RIMS2: variants seen among roughly 807,000 people sequenced by gnomAD.
The protein encoded by RIMS2 is regulating synaptic membrane exocytosis protein 2.
RIMS2 carries 59 observed loss-of-function variants against 174.4 expected under a neutral mutation model. The ratio of observed to expected loss-of-function variants is 0.34; its 90% CI spans 0.27 to 0.42. RIMS2 has a LOEUF of 0.42. RIMS2 is among the 10% of genes least tolerant of loss of function. The pLI is 1.00. For missense variants in RIMS2, 1,620 were observed against 1,666.3 expected (o/e 0.97, Z 0.48); for synonymous variants, 606 against 572.5 (o/e 1.06, Z -0.84).
At position 104,058,030 on chromosome 8, in the gene RIMS2, T is replaced by C. The variant is rs550329228; in HGVS notation, c.3334+43415T>C. 9.6e-3 allele frequency among the ~76,000 whole-genome samples: 1,458 copies of C among 151,944 alleles called. 23 individuals are homozygous for C. The highest frequency in any genetic ancestry group is 0.033 in the African/African-American group (1,354 of 41,392). On this transcript the variant is annotated intron_variant, in intron 19 of 23. Transcript: ENST00000504942. ...TGTGAATGGTGCCGCAATAAACATA[T>C]GTGTGCATGTGTCTTTATAGCAGCA...
chr8:103,776,166 T>C (rs2098313621), intron 3 of RIMS2, among the ~76,000 whole-genome samples: 1 of 152,192 alleles, frequency 6.6e-6, no homozygotes, highest in Admixed American at 6.5e-5. Context: ...GATGCATGTA[T>C]GGTGAAGGGT....
chr8:103,656,971 G>C (rs1223433033), intron 1 of RIMS2, among the ~76,000 whole-genome samples: 1 of 152,104 alleles, frequency 6.6e-6, no homozygotes, highest in Non-Finnish European at 1.5e-5. Flanking sequence ...CTCCAGCTGG[G>C]GGAGGGGAAA....
rs80224514 is a variant in RIMS2, at chr8:104,215,769, G to A, written c.3335-29147G>A. ...CTTGGAACAGTGGAACAGAATGCGTGAGCAGGGAATTTCTTAAACTTGGAA... is the reference window on the plus strand; with the variant it reads ...CTTGGAACAGTGGAACAGAATGCGTAAGCAGGGAATTTCTTAAACTTGGAA... On this transcript the variant is annotated intron_variant, in intron 19 of 23. Transcript: ENST00000504942. Among the ~76,000 whole-genome samples the A allele has an allele frequency of 2.7e-3, 409 of 152,324 alleles. 3 individuals carry two copies. Among genetic ancestry groups the A allele is most frequent in the African/African-American group, 9.5e-3 (396 of 41,566 alleles).
At chr8:103,520,585 A>G (rs762697487) in intron 1 of RIMS2, among the ~76,000 whole-genome samples, 3 of 152,154 alleles carry the variant, frequency 2.0e-5, no homozygotes, top group Non-Finnish European at 4.4e-5. Context: ...TAATCTGACA[A>G]TTATAATTTT....
intron 19 of RIMS2, among the ~76,000 whole-genome samples, chr8:104,130,468 A>G (rs753394763): frequency 1.3e-5 from 2 of 152,120 alleles, no homozygotes; most frequent in Non-Finnish European, 2.9e-5. Context: ...AAGTCCAGGT[A>G]CCTCTTTCTT....
rs182346181 is a variant in RIMS2, at chr8:103,783,088, G to A, written c.698+16551G>A. 2.7e-4 allele frequency among the ~76,000 whole-genome samples: 41 copies of A among 152,164 alleles called. 1 individual carries two copies. Among genetic ancestry groups the A allele is most frequent in the Admixed American group, 9.8e-4 (15 of 15,278 alleles). ...GCCTGAGGCTGAGATCTCATCTCAC[G>A]CTCAGGGTCCTCTTCAAAGCTCCCT... On this transcript the variant is annotated intron_variant, in intron 3 of 23. Transcript: ENST00000504942.
At chr8:104,253,272 TG>T (rs1427062888), downstream of RIMS2, 1 of 152,164 alleles carries the variant, frequency 6.6e-6, no homozygotes, top group African/African-American at 2.4e-5. Context: ...TCTTAGGTTT[TG>T]TTTGTTTTTT....
chr8:103,776,676 G>A (rs1235359975), intron 3 of RIMS2, among the ~76,000 whole-genome samples: 1 of 151,986 alleles, frequency 6.6e-6, no homozygotes, highest in Admixed American at 6.6e-5. Flanking sequence ...GACATTTGCT[G>A]TCCACTAGGG....
intron 3 of RIMS2, among the ~76,000 whole-genome samples, chr8:103,828,491 T>C (rs948988026): frequency 3.3e-5 from 5 of 152,216 alleles, no homozygotes; most frequent in African/African-American, 9.6e-5. Context: ...TAGACCTTTG[T>C]CAAATACATA....
chr8:103,542,312 G>A (rs1245886039), intron 1 of RIMS2, among the ~76,000 whole-genome samples: 1 of 152,096 alleles, frequency 6.6e-6, no homozygotes, highest in Non-Finnish European at 1.5e-5. Flanking sequence ...AAGCTAAACA[G>A]ATCAATAATG....
At chr8:104,234,127 C>T (rs1326505446) in intron 19 of RIMS2, among the ~76,000 whole-genome samples, 1 of 152,080 alleles carries the variant, frequency 6.6e-6, no homozygotes, top group Non-Finnish European at 1.5e-5. Context: ...AACACCACTA[C>T]GTGTTGTATA....
rs72685069 is a variant in RIMS2, at chr8:104,237,715, G to A, written c.3335-7201G>A. ...TCCGAAACAATTTTGTGTGTCAATT[G>A]TTAATTTTTAATCTCAATTTTTGTT... is the stretch of plus-strand genomic sequence containing the variant. On this transcript the variant is annotated intron_variant, in intron 19 of 23. Transcript: ENST00000504942. Among the ~76,000 whole-genome samples the A allele has an allele frequency of 4.8e-3, 733 of 152,218 alleles. 2 individuals are homozygous for A. Among genetic ancestry groups the A allele is most frequent in the Non-Finnish European group, 7.5e-3 (507 of 67,990 alleles).
chr8:103,695,197 C>T (rs1564317002), intron 1 of RIMS2, among the ~76,000 whole-genome samples: 1 of 152,088 alleles, frequency 6.6e-6, no homozygotes, highest in Non-Finnish European at 1.5e-5. Flanking sequence ...TATTTTTTTG[C>T]TACACTTAGT....
chr8:104,146,204 C>CA (rs36101798), intron 19 of RIMS2, among the ~76,000 whole-genome samples: 1,652 of 65,676 alleles, frequency 0.025, 32 homozygotes, highest in African/African-American at 0.041. Flanking sequence ...TCTCCTCTCC[C>CA]AAAAAAAAAA....
At chr8:103,552,310 C>A (rs1485098931) in intron 1 of RIMS2, among the ~76,000 whole-genome samples, 1 of 152,152 alleles carries the variant, frequency 6.6e-6, no homozygotes, top group Non-Finnish European at 1.5e-5. Context: ...CTACAACCAT[C>A]TGATCTTTGA....
At chr8:104,042,429 C>T (rs1031356377) in intron 19 of RIMS2, among the ~76,000 whole-genome samples, 6 of 151,354 alleles carry the variant, frequency 4.0e-5, no homozygotes, top group East Asian at 1.9e-4. Context: ...AAAGATGGAC[C>T]GGAGCAATAT....
At chr8:104,117,112 A>T (rs2098290346) in intron 19 of RIMS2, among the ~76,000 whole-genome samples, 1 of 152,070 alleles carries the variant, frequency 6.6e-6, no homozygotes, top group Non-Finnish European at 1.5e-5. Flanking sequence ...CAATCAGGAA[A>T]CTGAGGCAGG....
At chr8:103,552,732 C>G (rs979879571) in intron 1 of RIMS2, among the ~76,000 whole-genome samples, 1 of 152,200 alleles carries the variant, frequency 6.6e-6, no homozygotes, top group African/African-American at 2.4e-5. Flanking sequence ...CTACAAAGAA[C>G]TTAAACAAGT....
At chr8:103,857,292 T>G (rs1033452027) in intron 3 of RIMS2, among the ~76,000 whole-genome samples, 2 of 152,228 alleles carry the variant, frequency 1.3e-5, no homozygotes, top group African/African-American at 2.4e-5. Flanking sequence ...GCTATTTGCT[T>G]ATTTTGTTAT....
Sources: gnomAD v4.1 joint callset for allele counts (sites outside exome capture counted in the v4.1 genomes callset) on GRCh38, gnomAD v4.1.1 for gene constraint, MANE v1.5 for transcripts, NCBI Gene and HGNC (gene_info 2026-07-23, HGNC 2026-07-21) for gene names.